AGBL4: variants seen among roughly 807,000 people sequenced by gnomAD.
AGBL4 encodes the protein cytosolic carboxypeptidase 6.
AGBL4 carries 58 observed loss-of-function variants against 66.4 expected under a neutral mutation model. That is an observed-to-expected ratio of 0.87 (90% CI 0.71 to 1.09). AGBL4 has a LOEUF of 1.09. Ranked by LOEUF, AGBL4 falls within the 50% of genes least tolerant of loss-of-function variation. The probability of loss-of-function intolerance (pLI) is 0.00; values close to 1 mark genes in which losing one functional copy is unlikely to be tolerated. For missense variants in AGBL4, 579 were observed against 631.0 expected (o/e 0.92, Z 0.88); for synonymous variants, 234 against 222.9 (o/e 1.05, Z -0.44).
intron 1 of AGBL4, among the ~76,000 whole-genome samples, chr1:50,003,643 A>G (rs1425101234): frequency 6.6e-6 from 1 of 152,188 alleles, no homozygotes; most frequent in African/African-American, 2.4e-5. Context: ...CAGAGAGACA[A>G]TAGCCAAGTA....
At chr1:49,450,092 A>G (rs80329135) in intron 3 of AGBL4, among the ~76,000 whole-genome samples, 4,200 of 152,162 alleles carry the variant, frequency 0.028, 168 homozygotes, top group African/African-American at 0.096. Context: ...TTTGGTTTCA[A>G]TTTTTAAATA....
chr1:49,839,489 A>G (rs1171789021), intron 2 of AGBL4, among the ~76,000 whole-genome samples: 1 of 152,238 alleles, frequency 6.6e-6, no homozygotes, highest in Non-Finnish European at 1.5e-5. Flanking sequence ...GTATTAGTAA[A>G]AATGAAATTT....
intron 2 of AGBL4, among the ~76,000 whole-genome samples, chr1:49,826,778 C>A (rs1301211829): frequency 3.3e-5 from 5 of 152,120 alleles, no homozygotes; most frequent in Non-Finnish European, 1.5e-5. Context: ...TAAGAGCTAG[C>A]CATTGTAAGA....
At chr1:49,010,431 T>C (rs1318271446) in intron 5 of AGBL4, among the ~76,000 whole-genome samples, 1 of 134,816 alleles carries the variant, frequency 7.4e-6, no homozygotes, top group Non-Finnish European at 1.6e-5. Context: ...GAAGAATCAA[T>C]ATCGTGAAAA....
At chr1:48,572,665 A>C (rs1644585778) in intron 11 of AGBL4, among the ~76,000 whole-genome samples, 1 of 152,206 alleles carries the variant, frequency 6.6e-6, no homozygotes, top group Admixed American at 6.5e-5. Context: ...AATGCTATGC[A>C]GAGAGAGACC....
At chr1:49,288,900 C>T (rs1033481996) in intron 3 of AGBL4, among the ~76,000 whole-genome samples, 31 of 152,116 alleles carry the variant, frequency 2.0e-4, no homozygotes, top group African/African-American at 7.0e-4. Context: ...TAAATCCTCT[C>T]TAGAGGAAAA....
intron 4 of AGBL4, among the ~76,000 whole-genome samples, chr1:49,209,323 TGAAA>T (rs1201776139): frequency 2.6e-5 from 4 of 152,094 alleles, no homozygotes; most frequent in Non-Finnish European, 5.9e-5. Context: ...ATATTTTGGT[TGAAA>T]GAAATAATTT....
chr1:49,250,839 C>A (rs1570216377), intron 3 of AGBL4, among the ~76,000 whole-genome samples: 1 of 152,084 alleles, frequency 6.6e-6, no homozygotes, highest in Non-Finnish European at 1.5e-5. Context: ...CCCTTGACCA[C>A]CATGGACAAT....
chr1:49,325,942 T>C (rs2148483507), intron 3 of AGBL4, among the ~76,000 whole-genome samples: 1 of 152,354 alleles, frequency 6.6e-6, no homozygotes. Context: ...CCACCATGAA[T>C]GAAAGCTTTC....
At chr1:49,659,049 A>G (rs950545211) in intron 3 of AGBL4, among the ~76,000 whole-genome samples, 1 of 152,188 alleles carries the variant, frequency 6.6e-6, no homozygotes, top group Non-Finnish European at 1.5e-5. Flanking sequence ...CTAAAATTGT[A>G]TATCCAACAA....
At chr1:49,960,384 A>C (rs2148342241) in intron 1 of AGBL4, among the ~76,000 whole-genome samples, 1 of 152,194 alleles carries the variant, frequency 6.6e-6, no homozygotes, top group Admixed American at 6.6e-5. Context: ...TCATAGAAGA[A>C]AAGTAGAACA....
At chr1:49,744,411 C>G (rs1475374695) in intron 2 of AGBL4, among the ~76,000 whole-genome samples, 1 of 152,104 alleles carries the variant, frequency 6.6e-6, no homozygotes, top group Non-Finnish European at 1.5e-5. Flanking sequence ...CGCTATGCTT[C>G]CTGTACTGCT....
At chr1:49,960,422 G>A (rs367928848) in intron 1 of AGBL4, among the ~76,000 whole-genome samples, 3 of 152,080 alleles carry the variant, frequency 2.0e-5, no homozygotes, top group African/African-American at 7.2e-5. Flanking sequence ...GTAAGGGTAG[G>A]GAGAAGGGGA....
chr1:48,859,366 C>T (rs1647295146), intron 6 of AGBL4, among the ~76,000 whole-genome samples: 1 of 152,208 alleles, frequency 6.6e-6, no homozygotes, highest in Non-Finnish European at 1.5e-5. Context: ...AGAAGTATAA[C>T]TATGTAGCTT....
intron 4 of AGBL4, 64 bp downstream of exon 4, chr1:49,245,706 A>C (rs1651586470): frequency 8.4e-7 from 1 of 1,186,874 alleles, no homozygotes; most frequent in Non-Finnish European, 1.2e-6. Flanking sequence ...GTAGGTGTGT[A>C]TATGTATGGG....
At chr1:49,342,203 A>G (rs577150323) in intron 3 of AGBL4, among the ~76,000 whole-genome samples, 11 of 152,168 alleles carry the variant, frequency 7.2e-5, no homozygotes, top group Admixed American at 2.0e-4. Flanking sequence ...AAGCTGGTTG[A>G]GTGAATGCTA....
chr1:49,292,539 A>C (rs1345399195), intron 3 of AGBL4, among the ~76,000 whole-genome samples: 4 of 152,166 alleles, frequency 2.6e-5, no homozygotes, highest in African/African-American at 4.8e-5. Flanking sequence ...CTCAGCCAGA[A>C]CTGAGCAGAC....
chr1:49,238,168 T>G (rs888365092), intron 4 of AGBL4, among the ~76,000 whole-genome samples: 8 of 152,208 alleles, frequency 5.3e-5, no homozygotes, highest in African/African-American at 1.9e-4. Flanking sequence ...TTTCTCGGCA[T>G]GGATTTTCTG....
chr1:49,918,462 A>T (rs1651820919), intron 1 of AGBL4, among the ~76,000 whole-genome samples: 2 of 152,202 alleles, frequency 1.3e-5, no homozygotes. Context: ...AAACACCTCT[A>T]CGCAAATAAA....
Sources: gnomAD v4.1 joint callset for allele counts (sites outside exome capture counted in the v4.1 genomes callset) on GRCh38, gnomAD v4.1.1 for gene constraint, MANE v1.5 for transcripts, NCBI Gene and HGNC (gene_info 2026-07-23, HGNC 2026-07-21) for gene names.